SETD5: variants seen among roughly 807,000 people sequenced by gnomAD.
SETD5 encodes histone-lysine N-methyltransferase SETD5.
A neutral mutation model predicts 153.3 loss-of-function variants in SETD5; 44 were observed. The ratio of observed to expected loss-of-function variants is 0.29; its 90% CI spans 0.23 to 0.37. The LOEUF (loss-of-function observed/expected upper bound fraction) is 0.37. Ranked by LOEUF, SETD5 falls within the 10% of genes least tolerant of loss-of-function variation. SETD5 has a pLI of 1.00. For missense variants in SETD5, 1,544 were observed against 1,768.0 expected (o/e 0.87, Z 2.27); for synonymous variants, 716 against 645.2 (o/e 1.11, Z -1.66).
intron 11 of SETD5, 129 bp from the exon 12 acceptor site, chr3:9,444,919 C>T: frequency 8.1e-7 from 1 of 1,231,404 alleles, no homozygotes; most frequent in Non-Finnish European, 1.1e-6. Flanking sequence ...TCTCTAATGT[C>T]TCTGTTTAAC....
chr3:9,440,911 T>C (rs2041197789), intron 8 of SETD5, among the ~76,000 whole-genome samples: 1 of 152,022 alleles, frequency 6.6e-6, no homozygotes, highest in Non-Finnish European at 1.5e-5. Flanking sequence ...AATAAAAAAA[T>C]AGATGAATTG....
intron 1 of SETD5, among the ~76,000 whole-genome samples, chr3:9,409,333 C>A (rs746128895): frequency 2.0e-5 from 3 of 152,086 alleles, no homozygotes; most frequent in Non-Finnish European, 4.4e-5. Context: ...TTTTTACCCC[C>A]TTATTTACTA....
intron 3 of SETD5, chr3:9,430,561 T>A: frequency 5.0e-6 from 1 of 199,612 alleles, no homozygotes; most frequent in Non-Finnish European, 9.0e-6. Flanking sequence ...CATTAGTAGG[T>A]AGCCAGTTTG....
intron 15 of SETD5, 112 bp from the exon 16 acceptor site, chr3:9,448,276 C>T (rs997222347): frequency 4.7e-5 from 68 of 1,456,442 alleles, no homozygotes; most frequent in Non-Finnish European, 5.5e-5. Flanking sequence ...TCAATTCATT[C>T]TTACTGCAGC....
chr3:9,449,176 A>G (rs1366909270), intron 16 of SETD5, among the ~76,000 whole-genome samples: 1 of 152,140 alleles, frequency 6.6e-6, no homozygotes, highest in Non-Finnish European at 1.5e-5. Context: ...TGTTTATTCC[A>G]AGAGAATACA....
At position 9,473,526 on chromosome 3, in the gene SETD5, C is replaced by T; in HGVS notation, c.3486C>T (p.Ile1162=). 2 of 1,611,666 alleles carry T rather than the reference C, an allele frequency of 1.2e-6. No homozygotes were observed. Among genetic ancestry groups the T allele is most frequent in the Admixed American group, 1.7e-5 (1 of 59,638 alleles). The part of the protein sequence containing the change: ...SSSHCRPQEN[I]SSRWMVPTSV... ...CTCACTGCAGACCTCAAGAGAATATCAGCAGTAGGTGGTAAGTTTATATTT... is the reference window on the plus strand; with the variant it reads ...CTCACTGCAGACCTCAAGAGAATATTAGCAGTAGGTGGTAAGTTTATATTT... Residue 1162 remains isoleucine (I), a synonymous_variant, in exon 20 of 23, where the codon ATC becomes ATT. Transcript: ENST00000402198.
rs75854784 is a variant in SETD5 at position 9,435,621 on chromosome 3, G to C, written c.389-107G>C. 2.4e-4 allele frequency: 237 copies of C among 1,000,236 alleles called. 1 individual carries two copies. In the East Asian group the frequency reaches 5.7e-3, roughly 24 times the overall value. 62.0% of individuals were successfully genotyped at this position (1,000,236 alleles called of 1,614,324 possible). ...GCTTTACAGATGATAAGAGTTAATA[G>C]TGGAAGTAATGGCTTACTGCATGTG... On this transcript the variant is annotated intron_variant, in intron 6 of 22. Coordinates refer to ENST00000402198, the MANE Select transcript of SETD5 (RefSeq NM_001080517.3).
At chr3:9,445,601 C>A in intron 12 of SETD5, 56 bp from the exon 13 acceptor site, 1 of 1,469,622 alleles carries the variant, frequency 6.8e-7, no homozygotes, top group Non-Finnish European at 9.5e-7. Context: ...CAGAATAAAA[C>A]AGATTGATTT....
intron 11 of SETD5, 138 bp from the exon 12 acceptor site, chr3:9,444,910 C>G: frequency 8.7e-7 from 1 of 1,154,572 alleles, no homozygotes; most frequent in Non-Finnish European, 1.2e-6. Context: ...TTATAGGACT[C>G]TCTAATGTCT....
At chr3:9,400,304 C>T (rs1009595092) in intron 1 of SETD5, among the ~76,000 whole-genome samples, 3 of 152,068 alleles carry the variant, frequency 2.0e-5, no homozygotes, top group African/African-American at 7.2e-5. Context: ...CTAAAAGTTC[C>T]ATTAGAGTTT....
At chr3:9,421,201 T>C (rs149495345) in intron 1 of SETD5, among the ~76,000 whole-genome samples, 2,481 of 152,254 alleles carry the variant, frequency 0.016, 65 homozygotes, top group Non-Finnish European at 0.018. Flanking sequence ...CTTTGAGGAA[T>C]TTAGGGTTCA....
chr3:9,445,575 G>T (rs1379569763), intron 12 of SETD5, 82 bp from the exon 13 acceptor site: 1 of 1,236,222 alleles, frequency 8.1e-7, no homozygotes, highest in East Asian at 2.4e-5. Context: ...GATTGTTATA[G>T]AGAGTTTTAA....
chr3:9,406,010 T>C (rs187384583), intron 1 of SETD5, among the ~76,000 whole-genome samples: 6 of 152,350 alleles, frequency 3.9e-5, no homozygotes, highest in Admixed American at 3.9e-4. Context: ...AGGAAGGTTT[T>C]ACTTAGAAGG....
chr3:9,459,481 A>G (rs902025876), intron 17 of SETD5, among the ~76,000 whole-genome samples: 3 of 152,118 alleles, frequency 2.0e-5, no homozygotes, highest in East Asian at 1.9e-4. Context: ...TAAGAATATT[A>G]AAAGAATAGC....
intron 1 of SETD5, among the ~76,000 whole-genome samples, chr3:9,409,399 T>G (rs986971133): frequency 6.6e-6 from 1 of 152,162 alleles, no homozygotes; most frequent in Admixed American, 6.5e-5. Context: ...GAATGAAGTA[T>G]TATTATTGTG....
At chr3:9,406,946 G>A (rs2035795434) in intron 1 of SETD5, among the ~76,000 whole-genome samples, 1 of 152,146 alleles carries the variant, frequency 6.6e-6, no homozygotes, top group South Asian at 2.1e-4. Flanking sequence ...CTTATTGGTG[G>A]CATATTATGT....
At chr3:9,431,471 T>A (rs1431839340) in intron 3 of SETD5, 1 of 943,370 alleles carries the variant, frequency 1.1e-6, no homozygotes, top group African/African-American at 1.8e-5. Flanking sequence ...ATATAAAAAC[T>A]AGTATATATA....
intron 1 of SETD5, among the ~76,000 whole-genome samples, chr3:9,414,093 G>A (rs1164345833): frequency 3.3e-5 from 5 of 152,256 alleles, no homozygotes; most frequent in Middle Eastern, 3.4e-3. Flanking sequence ...GAAGTTTTAC[G>A]TCAAATTTTG....
rs762253115 is a variant in SETD5, at chr3:9,441,615, G to A, written c.833G>A (p.Arg278His). 9.9e-6 allele frequency: 16 copies of A among 1,613,896 alleles called. No individual in the cohort carries two copies. The highest frequency in any genetic ancestry group is 1.3e-5 in the Non-Finnish European group (15 of 1,179,850). The change falls in exon 9 of 23, where the codon CGT (arginine) becomes CAT (histidine). Residue 278 changes from arginine (R) to histidine (H), a missense_variant. By Grantham distance (29) the Arg-to-His change is conservative (BLOSUM62 0). This residue lies in a region of SETD5 where 30 missense variants were observed against 66.0 expected (regional missense o/e 0.45). Transcript: ENST00000402198. ...CAGTTACAGCTGGGAAGAGTCACTC[G>A]TGTTCAAAAGCACCGGAAGATCCTG... ...QMQLQLGRVT[R>H]VQKHRKILRA...
Sources: allele counts gnomAD v4.1 joint callset (sites outside exome capture counted in the v4.1 genomes callset), GRCh38; gene constraint gnomAD v4.1.1; regional missense constraint gnomAD v4.1.1; transcripts MANE v1.5; gene names NCBI Gene and HGNC (gene_info 2026-07-23, HGNC 2026-07-21).